Variants in GRM7 observed in about 807,000 individuals in gnomAD.
GRM7 encodes the protein metabotropic glutamate receptor 7.
Under a neutral mutation model 84.5 loss-of-function variants are expected in GRM7, and 35 were observed. The observed-to-expected ratio is 0.41, with a 90% confidence interval of 0.32 to 0.55. The LOEUF is 0.55. Among genes scored for constraint, GRM7 ranks in the 20% least tolerant of loss-of-function variants. GRM7 has a pLI of 0.19. For missense variants in GRM7, 1,003 were observed against 1,194.6 expected (o/e 0.84, Z 2.36); for synonymous variants, 487 against 455.1 (o/e 1.07, Z -0.89).
At chr3:6,978,288 G>A (rs1694074242) in intron 1 of GRM7, among the ~76,000 whole-genome samples, 1 of 152,262 alleles carries the variant, frequency 6.6e-6, no homozygotes, top group Admixed American at 6.5e-5. Flanking sequence ...AGCTGGAAGA[G>A]TCAAGGAAGA....
intron 9 of GRM7, among the ~76,000 whole-genome samples, chr3:7,721,380 G>A (rs922998106): frequency 1.3e-5 from 2 of 152,194 alleles, no homozygotes; most frequent in Non-Finnish European, 1.5e-5. Context: ...TGCTGAGTCT[G>A]TTTGATAACC....
intron 9 of GRM7, among the ~76,000 whole-genome samples, chr3:7,712,502 T>A (rs1483315510): frequency 6.6e-6 from 1 of 151,928 alleles, no homozygotes; most frequent in Non-Finnish European, 1.5e-5. Context: ...ACATCTAAAT[T>A]TTCTTTCCTT....
At chr3:7,356,431 A>T (rs562955111) in intron 4 of GRM7, among the ~76,000 whole-genome samples, 114 of 151,570 alleles carry the variant, frequency 7.5e-4, no homozygotes, top group Non-Finnish European at 1.4e-3. Context: ...CCTCCCAACT[A>T]TCTGGGATTA....
At chr3:7,586,293 A>C (rs759157721) in intron 8 of GRM7, among the ~76,000 whole-genome samples, 11 of 152,312 alleles carry the variant, frequency 7.2e-5, no homozygotes, top group Non-Finnish European at 1.3e-4. Flanking sequence ...AATTAAACAT[A>C]TACCTAGCAT....
At chr3:7,372,882 A>C (rs1250296757) in intron 4 of GRM7, among the ~76,000 whole-genome samples, 1 of 152,080 alleles carries the variant, frequency 6.6e-6, no homozygotes, top group Non-Finnish European at 1.5e-5. Context: ...CTTTTACAAG[A>C]ATCTTATCTT....
rs893054054 is a variant in GRM7 at position 7,643,308 on chromosome 3, C to T, written c.2452-36741C>T. On this transcript the variant is annotated intron_variant, in intron 8 of 9. Transcript: ENST00000357716. ...AACTTCAGTATTCACAAGGGCTACG[C>T]AGGGAGCCCAATGAAAAACAAACAA... Among the ~76,000 whole-genome samples the T allele has an allele frequency of 3.5e-4, 47 of 135,756 alleles. No homozygotes were observed. The South Asian group carries it at 0.01, about 30-fold the overall frequency. 89.1% of individuals were successfully genotyped at this position (135,756 alleles called of 152,430 possible).
At chr3:7,044,940 C>G (rs1696750037) in intron 1 of GRM7, among the ~76,000 whole-genome samples, 1 of 152,128 alleles carries the variant, frequency 6.6e-6, no homozygotes, top group African/African-American at 2.4e-5. Context: ...TTGACAGAAA[C>G]TTTAGAGGTG....
intron 1 of GRM7, among the ~76,000 whole-genome samples, chr3:7,060,675 CTCAAA>C: frequency 6.6e-6 from 1 of 151,850 alleles, no homozygotes; most frequent in Non-Finnish European, 1.5e-5. Context: ...ATTATGCTGA[CTCAAA>C]TGGCTTTTTG....
At chr3:7,455,456 A>ACTT (rs1305929808) in intron 6 of GRM7, among the ~76,000 whole-genome samples, 10 of 152,150 alleles carry the variant, frequency 6.6e-5, no homozygotes, top group Admixed American at 2.0e-4. Context: ...AGAGGTAATC[A>ACTT]AGGTGGACAT....
chr3:7,568,880 T>A (rs1411149337), intron 7 of GRM7, among the ~76,000 whole-genome samples: 1 of 151,904 alleles, frequency 6.6e-6, no homozygotes, highest in Admixed American at 6.5e-5. Context: ...GCGCCCCCCC[T>A]CCATGGGCTC....
At chr3:7,289,880 G>C (rs1176850731) in intron 2 of GRM7, among the ~76,000 whole-genome samples, 1 of 150,150 alleles carries the variant, frequency 6.7e-6, no homozygotes, top group Admixed American at 6.6e-5. Context: ...AGGGGAGAGG[G>C]ATAGCATTAG....
At chr3:7,728,207 G>T (rs772235773) in intron 9 of GRM7, among the ~76,000 whole-genome samples, 2 of 152,136 alleles carry the variant, frequency 1.3e-5, no homozygotes, top group Non-Finnish European at 2.9e-5. Context: ...TTCCCAGACC[G>T]AACCGGGTCT....
At chr3:7,730,145 T>C (rs985074082) in intron 9 of GRM7, among the ~76,000 whole-genome samples, 12 of 149,482 alleles carry the variant, frequency 8.0e-5, no homozygotes, top group South Asian at 2.1e-4. Flanking sequence ...AGTGCTGGGA[T>C]TACAGGCGCC....
chr3:7,692,117 T>G (rs1318072584), intron 9 of GRM7, among the ~76,000 whole-genome samples: 1 of 152,184 alleles, frequency 6.6e-6, no homozygotes, highest in Non-Finnish European at 1.5e-5. Flanking sequence ...TCAAGATAGT[T>G]TACTGTGGCC....
chr3:7,705,409 G>T (rs1468466976), intron 9 of GRM7, among the ~76,000 whole-genome samples: 2 of 152,134 alleles, frequency 1.3e-5, no homozygotes, highest in Non-Finnish European at 2.9e-5. Flanking sequence ...TGAGGTCATT[G>T]TGAAAAGTGC....
At chr3:7,099,256 A>T (rs1363786202) in intron 1 of GRM7, among the ~76,000 whole-genome samples, 1 of 135,022 alleles carries the variant, frequency 7.4e-6, no homozygotes, top group Non-Finnish European at 1.5e-5. Flanking sequence ...GAATACATGT[A>T]TTATACATGT....
intron 7 of GRM7, among the ~76,000 whole-genome samples, chr3:7,473,096 C>T (rs758873605): frequency 1.3e-5 from 2 of 152,102 alleles, no homozygotes; most frequent in Non-Finnish European, 2.9e-5. Context: ...TTTGGACTTT[C>T]GATTGCTGAC....
chr3:7,410,192 G>A (rs571693408), intron 4 of GRM7, among the ~76,000 whole-genome samples: 13 of 152,150 alleles, frequency 8.5e-5, no homozygotes, highest in East Asian at 7.8e-4. Flanking sequence ...GTTGGGGTTC[G>A]GTGTTACTAG....
intron 4 of GRM7, among the ~76,000 whole-genome samples, chr3:7,381,652 T>A (rs1694596776): frequency 6.6e-6 from 1 of 152,212 alleles, no homozygotes; most frequent in Admixed American, 6.5e-5. Flanking sequence ...TCCTCATCTA[T>A]ACAGTGGGAA....
Sources: gnomAD v4.1 joint callset for allele counts (sites outside exome capture counted in the v4.1 genomes callset) on GRCh38, gnomAD v4.1.1 for gene constraint, MANE v1.5 for transcripts, NCBI Gene and HGNC (gene_info 2026-07-23, HGNC 2026-07-21) for gene names.